INPP5A: variants seen among roughly 807,000 people sequenced by gnomAD.
INPP5A encodes inositol polyphosphate-5-phosphatase A.
A neutral mutation model predicts 65.2 loss-of-function variants in INPP5A; 14 were observed. The ratio of observed to expected loss-of-function variants is 0.21; its 90% CI spans 0.14 to 0.34. The LOEUF (loss-of-function observed/expected upper bound fraction) is 0.34, where lower values mean the gene tolerates loss of function less well. Ranked by LOEUF, INPP5A falls within the 10% of genes least tolerant of loss-of-function variation. The pLI, the probability that INPP5A is intolerant of heterozygous loss-of-function variation, is 1.00. For missense variants in INPP5A, 431 were observed against 545.6 expected, an observed-to-expected ratio of 0.79 and a Z score of 2.09; for synonymous variants, 207 against 208.3, an observed-to-expected ratio of 0.99 and a Z score of 0.05.
intron 9 of INPP5A, among the ~76,000 whole-genome samples, chr10:132,744,065 G>T (rs1376359855): frequency 3.3e-5 from 5 of 152,266 alleles, no homozygotes; most frequent in African/African-American, 7.2e-5. Flanking sequence ...CCCCACAGAG[G>T]TGGAGGAGTG....
intron 1 of INPP5A, among the ~76,000 whole-genome samples, chr10:132,595,299 G>A (rs1332890039): frequency 6.6e-6 from 1 of 152,098 alleles, no homozygotes; most frequent in African/African-American, 2.4e-5. Flanking sequence ...TCGCGCCGGT[G>A]GGGGCTTGTG....
intron 9 of INPP5A, among the ~76,000 whole-genome samples, chr10:132,733,023 G>A (rs3793672): frequency 0.039 from 5,955 of 152,214 alleles, 305 homozygotes; most frequent in Admixed American, 0.15. Context: ...CTAGCGCCAC[G>A]CTGCTCCTGG....
In INPP5A at chr10:132,665,373, T is replaced by G. The variant is rs1490723939; in HGVS notation, c.306+14868T>G. 5.3e-5 allele frequency among the ~76,000 whole-genome samples: 8 copies of G among 152,264 alleles called. No individual in the cohort carries two copies. The South Asian group carries it at 1.0e-3, about 20-fold the overall frequency. Reference sequence around the variant, plus strand: ...TTCCCCTCGATTCTGTGTCGCTAATTGTTAATTATGACAAAGGAAAAGTGA... The same window carrying G: ...TTCCCCTCGATTCTGTGTCGCTAATGGTTAATTATGACAAAGGAAAAGTGA... On this transcript the variant is annotated intron_variant, in intron 4 of 15. Coordinates refer to ENST00000368594, the MANE Select transcript of INPP5A (RefSeq NM_005539.5).
rs2070867530 is a variant in INPP5A at position 132,538,316 on chromosome 10, G to T, written c.75+145G>T. On this transcript the variant is annotated intron_variant, in intron 1 of 15. Transcript: ENST00000368594. This position sits in a 1 kb window ranked among gnomAD's most constrained non-coding sequence, Gnocchi z 4.1. ...TCTGATCCCTGTACCCGGGACCCCA[G>T]ACTCCTGTCCTGATTCCCAAGTCTG... The T allele has an allele frequency of 2.8e-6, 1 of 355,666 alleles. No individual in the cohort carries two copies. The highest frequency in any genetic ancestry group is 4.7e-6 in the Non-Finnish European group (1 of 214,966). 22.0% of individuals were successfully genotyped at this position (355,666 alleles called of 1,614,324 possible).
At chr10:132,757,737 G>C (rs1254364035) in intron 11 of INPP5A, among the ~76,000 whole-genome samples, 1 of 132,546 alleles carries the variant, frequency 7.5e-6, no homozygotes, top group African/African-American at 2.6e-5. Context: ...GTGGGTCCCC[G>C]GCCGACCCCA....
chr10:132,610,305 C>T (rs1183374660), intron 2 of INPP5A, among the ~76,000 whole-genome samples: 1 of 152,238 alleles, frequency 6.6e-6, no homozygotes, highest in Non-Finnish European at 1.5e-5. Flanking sequence ...GTGTGCGTGG[C>T]CCCCCGAATC....
intron 2 of INPP5A, among the ~76,000 whole-genome samples, chr10:132,636,852 C>G (rs907790926): frequency 3.3e-5 from 5 of 152,212 alleles, no homozygotes; most frequent in African/African-American, 1.2e-4. Context: ...ATTCTGTTGT[C>G]GTCTTAGTGC....
intron 1 of INPP5A, among the ~76,000 whole-genome samples, chr10:132,569,277 C>G (rs2071308978): frequency 6.6e-6 from 1 of 152,146 alleles, no homozygotes; most frequent in Non-Finnish European, 1.5e-5. Context: ...AATTTTATCT[C>G]ACATGGTTTC....
intron 9 of INPP5A, among the ~76,000 whole-genome samples, chr10:132,733,073 A>G (rs1205810448): frequency 2.0e-5 from 3 of 152,186 alleles, no homozygotes; most frequent in African/African-American, 7.2e-5. Context: ...ACCCAGCCAC[A>G]GGTGGCCCAG....
Position 132,710,422 on chromosome 10 carries a change from A to G in INPP5A, c.613A>G (p.Ile205Val). Residue 205 changes from isoleucine (I) to valine (V), a missense_variant, in exon 8 of 16, where the codon ATC becomes GTC. Coordinates refer to ENST00000368594, the MANE Select transcript of INPP5A (RefSeq NM_005539.5). Reference sequence around the variant, plus strand: ...AACAAGCCCTTCCGTGTACTCGGGAATCCGGCACAAGGCACTGGGCTACGT... The same window carrying G: ...AACAAGCCCTTCCGTGTACTCGGGAGTCCGGCACAAGGCACTGGGCTACGT... Reference protein sequence around the residue: ...WETSPSVYSGIRHKALGYVLD... With the variant: ...WETSPSVYSGVRHKALGYVLD... The G allele has an allele frequency of 1.9e-6, 3 of 1,614,028 alleles. No individual in the cohort carries two copies. The highest frequency in any genetic ancestry group is 2.5e-6 in the Non-Finnish European group (3 of 1,180,024).
At chr10:132,721,240 G>A (rs59270278) in intron 8 of INPP5A, among the ~76,000 whole-genome samples, 1,572 of 138,562 alleles carry the variant, frequency 0.011, no homozygotes, top group African/African-American at 0.044. Flanking sequence ...GTTCTGTGGT[G>A]CCTGGGTTCT....
chr10:132,728,470 G>A (rs1846024845), intron 9 of INPP5A, among the ~76,000 whole-genome samples: 2 of 152,340 alleles, frequency 1.3e-5, no homozygotes, highest in African/African-American at 4.8e-5. Flanking sequence ...GGCCACAGAG[G>A]CGGGGCCCTG....
At position 132,756,186 on chromosome 10, in the gene INPP5A, T is replaced by C. The variant is rs1334073241; in HGVS notation, c.903+6341T>C. On this transcript the variant is annotated intron_variant, in intron 11 of 15. Coordinates refer to ENST00000368594, the MANE Select transcript of INPP5A (RefSeq NM_005539.5). ...AGTGTGGGGGGGGAGTGTGTGTGTG[T>C]ACACATATGTGTGTGCGTGTACATG... 2.6e-5 allele frequency among the ~76,000 whole-genome samples: 4 copies of C among 152,216 alleles called. No homozygotes were observed. The South Asian group carries it at 8.3e-4, about 31-fold the overall frequency.
chr10:132,573,361 G>A, intron 1 of INPP5A, among the ~76,000 whole-genome samples: 1 of 141,532 alleles, frequency 7.1e-6, no homozygotes, highest in Non-Finnish European at 1.5e-5. Context: ...TTGATGTTGA[G>A]GTGTGTGTGC....
intron 1 of INPP5A, among the ~76,000 whole-genome samples, chr10:132,591,862 C>G (rs2071624090): frequency 6.6e-6 from 1 of 152,184 alleles, no homozygotes. Context: ...TGAAATGGCA[C>G]TGGGCGTAAC....
At chr10:132,742,105 A>G (rs12242672) in intron 9 of INPP5A, among the ~76,000 whole-genome samples, 1 of 152,080 alleles carries the variant, frequency 6.6e-6, no homozygotes, top group Non-Finnish European at 1.5e-5. Flanking sequence ...TTACTACCAG[A>G]TAGAGCTCAT....
chr10:132,724,924 G>T lies in INPP5A; in HGVS notation c.648-1897G>T, dbSNP rs553159740. ...GCACACGCCGTATTCACCACAGACG[G>T]GGATCACTCTCCAGAACTCACGGGG... is the stretch of plus-strand genomic sequence containing the variant. On this transcript the variant is annotated intron_variant, in intron 8 of 15. Transcript: ENST00000368594. Among the ~76,000 whole-genome samples the T allele has an allele frequency of 3.6e-5, 5 of 139,616 alleles. No homozygotes were observed. In the South Asian group the frequency reaches 1.2e-3, roughly 33 times the overall value. 91.6% of individuals were successfully genotyped at this position (139,616 alleles called of 152,430 possible).
intron 9 of INPP5A, among the ~76,000 whole-genome samples, chr10:132,749,080 G>T (rs1368425247): frequency 6.6e-6 from 1 of 152,246 alleles, no homozygotes; most frequent in African/African-American, 2.4e-5. Flanking sequence ...CGGTCAAGCC[G>T]CCTGCAGCCC....
At chr10:132,742,623 T>C (rs778845490) in intron 9 of INPP5A, among the ~76,000 whole-genome samples, 4 of 152,160 alleles carry the variant, frequency 2.6e-5, no homozygotes, top group Admixed American at 6.5e-5. Context: ...AGGGAAGTCT[T>C]GGAGACGGGC....
Sources: gnomAD v4.1 joint callset for allele counts (sites outside exome capture counted in the v4.1 genomes callset) on GRCh38, gnomAD v4.1.1 for gene constraint, Gnocchi (gnomAD v3.1) non-coding constraint, MANE v1.5 for transcripts, NCBI Gene and HGNC (gene_info 2026-07-23, HGNC 2026-07-21) for gene names.